Variants in KATNIP observed in about 807,000 individuals in gnomAD.
KATNIP encodes the protein katanin-interacting protein.
In KATNIP, 126 loss-of-function variants were observed where a neutral mutation model predicts 174.0. The ratio of observed to expected loss-of-function variants is 0.72; its 90% CI spans 0.63 to 0.84. The LOEUF is 0.84. KATNIP is among the 40% of genes least tolerant of loss of function. The pLI, the probability that KATNIP is intolerant of heterozygous loss-of-function variation, is 0.00. For synonymous variants in KATNIP, 810 were observed against 835.7 expected, an observed-to-expected ratio of 0.97 and a Z score of 0.53; for missense variants, 1,958 against 2,109.7, an observed-to-expected ratio of 0.93 and a Z score of 1.41.
chr16:27,754,126 T>C (rs766652548), intron 17 of KATNIP, 47 bp from the exon 18 acceptor site: 8 of 1,496,032 alleles, frequency 5.3e-6, no homozygotes, highest in Non-Finnish European at 7.5e-6. Context: ...TGTGTGGGTA[T>C]CACTAAAACC....
intron 1 of KATNIP, among the ~76,000 whole-genome samples, chr16:27,570,893 C>A (rs1426361422): frequency 6.6e-6 from 1 of 152,088 alleles, no homozygotes; most frequent in African/African-American, 2.4e-5. Flanking sequence ...GACACGGAGT[C>A]TATTTTAAGG....
intron 14 of KATNIP, among the ~76,000 whole-genome samples, chr16:27,735,141 C>G (rs911459394): frequency 2.6e-5 from 4 of 152,196 alleles, no homozygotes; most frequent in Admixed American, 2.6e-4. Flanking sequence ...AGGCAGGGTA[C>G]GACCCTCCCA....
chr16:27,701,487 G>T (rs1435123186), intron 10 of KATNIP, 102 bp from the exon 11 acceptor site: 3 of 794,564 alleles, frequency 3.8e-6, no homozygotes, highest in Non-Finnish European at 6.2e-6. Flanking sequence ...TCTACAAAGG[G>T]ACTGTCAGCC....
At chr16:27,737,010 T>C (rs1042416945) in intron 14 of KATNIP, among the ~76,000 whole-genome samples, 2 of 149,440 alleles carry the variant, frequency 1.3e-5, no homozygotes, top group Non-Finnish European at 3.0e-5. Flanking sequence ...GCAAGCTTTT[T>C]AGCAACCGCT....
At chr16:27,764,860 C>T (rs1372568054) in intron 19 of KATNIP, among the ~76,000 whole-genome samples, 2 of 152,188 alleles carry the variant, frequency 1.3e-5, no homozygotes, top group Non-Finnish European at 2.9e-5. Context: ...TGTGGAATTG[C>T]TGAATTTCCT....
At chr16:27,641,833 C>G (rs2076808727) in intron 5 of KATNIP, among the ~76,000 whole-genome samples, 2 of 152,326 alleles carry the variant, frequency 1.3e-5, no homozygotes, top group East Asian at 1.9e-4. Context: ...TAGCAGGGCC[C>G]TAGTCCAGGC....
intron 10 of KATNIP, 139 bp from the exon 11 acceptor site, chr16:27,701,450 G>A (rs2079094855): frequency 3.1e-6 from 2 of 642,114 alleles, no homozygotes; most frequent in Non-Finnish European, 5.6e-6. Flanking sequence ...GGCAGTTGCT[G>A]TCACCCTCAC....
Position 27,728,882 on chromosome 16 carries a change from G to T in KATNIP, c.1743+7187G>T, listed in dbSNP as rs530892103. Among the ~76,000 whole-genome samples, 75 of 152,350 alleles carry T rather than the reference G, an allele frequency of 4.9e-4. 1 individual carries two copies. The highest frequency in any genetic ancestry group is 1.8e-3 in the African/African-American group (73 of 41,584). ...CAGAGCAAGTGGGCGGGCTGCAGCT[G>T]GAAGTAGGCAGAGGCCTGGGCAGGG... On this transcript the variant is annotated intron_variant, in intron 14 of 27. Coordinates refer to ENST00000261588, the MANE Select transcript of KATNIP (RefSeq NM_015202.5).
At chr16:27,772,851 G>A (rs115138952) in intron 22 of KATNIP, among the ~76,000 whole-genome samples, 1,560 of 151,926 alleles carry the variant, frequency 0.01, 28 homozygotes, top group African/African-American at 0.036. Context: ...ACACGCACAC[G>A]TGCACACATG....
At chr16:27,592,217 T>C (rs2075192279) in intron 2 of KATNIP, among the ~76,000 whole-genome samples, 1 of 151,916 alleles carries the variant, frequency 6.6e-6, no homozygotes, top group Admixed American at 6.6e-5. Context: ...AACCATGTAT[T>C]CCATGTTATT....
In KATNIP at chr16:27,698,573, G is replaced by T. The variant is rs944780106; in HGVS notation, c.1113+73G>T. 5 of 1,436,304 alleles carry T rather than the reference G, an allele frequency of 3.5e-6. No individual in the cohort carries two copies. The African/African-American group carries it at 7.1e-5, about 20-fold the overall frequency. The allele number at this position is 1,436,304 out of a possible 1,614,324, so 89.0% of individuals were successfully genotyped here. ...GCAGTGTCTGAGCTGCAGTTGAGAAGAGCAAGTGTGCAGAAGAGAGAGGTG... is the reference window on the plus strand; with the variant it reads ...GCAGTGTCTGAGCTGCAGTTGAGAATAGCAAGTGTGCAGAAGAGAGAGGTG... On this transcript the variant is annotated intron_variant, in intron 9 of 27. Transcript: ENST00000261588.
At chr16:27,606,891 A>G (rs1307025939) in intron 2 of KATNIP, among the ~76,000 whole-genome samples, 2 of 152,104 alleles carry the variant, frequency 1.3e-5, no homozygotes, top group East Asian at 3.8e-4. Flanking sequence ...TCCATGGAAC[A>G]TTTAAGGTTG....
chr16:27,590,570 A>C (rs1408515332), intron 2 of KATNIP, among the ~76,000 whole-genome samples: 1 of 152,200 alleles, frequency 6.6e-6, no homozygotes, highest in African/African-American at 2.4e-5. Flanking sequence ...TCTTGTGAGC[A>C]CAGGGTCTCT....
intron 19 of KATNIP, 82 bp downstream of exon 19, chr16:27,761,672 C>A: frequency 7.9e-7 from 1 of 1,272,528 alleles, no homozygotes; most frequent in Non-Finnish European, 1.1e-6. Context: ...CAGATTCAGA[C>A]ATCAAATAGA....
chr16:27,690,093 G>A (rs138165108), intron 8 of KATNIP, among the ~76,000 whole-genome samples: 1 of 152,058 alleles, frequency 6.6e-6, no homozygotes, highest in African/African-American at 2.4e-5. Flanking sequence ...ACTTGAGCCT[G>A]GGAGTTCAAG....
intron 8 of KATNIP, among the ~76,000 whole-genome samples, chr16:27,688,665 G>A (rs56249777): frequency 0.033 from 5,057 of 152,314 alleles, 221 homozygotes; most frequent in African/African-American, 0.094. Flanking sequence ...CTGAGGTAGA[G>A]GTAAGTGTTT....
Position 27,699,541 on chromosome 16 carries a change from A to T in KATNIP, c.1121A>T (p.Glu374Val). 1 of 1,614,162 alleles carries T rather than the reference A, an allele frequency of 6.2e-7. No individual in the cohort carries two copies. The highest frequency in any genetic ancestry group is 8.5e-7 in the Non-Finnish European group (1 of 1,180,006). Residue 374 changes from glutamate (E) to valine (V), a missense_variant, in exon 10 of 28, where the codon GAA becomes GTA. This residue lies in a region of KATNIP where 1,557 missense variants were observed against 1,617.8 expected (regional missense o/e 0.96). Coordinates refer to ENST00000261588, the MANE Select transcript of KATNIP (RefSeq NM_015202.5). ...EQPASPLQDAEGPPAKPWTSL... is the reference protein window; with the variant it reads ...EQPASPLQDAVGPPAKPWTSL... ...GTGATCACATCCTTCCAGGATGCAGAAGGACCACCAGCAAAACCATGGACC... is the reference window on the plus strand; with the variant it reads ...GTGATCACATCCTTCCAGGATGCAGTAGGACCACCAGCAAAACCATGGACC...
intron 10 of KATNIP, among the ~76,000 whole-genome samples, 167 bp downstream of exon 10, chr16:27,699,766 G>A (rs2079035555): frequency 6.6e-6 from 1 of 152,226 alleles, no homozygotes; most frequent in Non-Finnish European, 1.5e-5. Context: ...TGTGCCCTGA[G>A]CACTGGTGTC....
At chr16:27,703,452 C>G (rs1032430651) in intron 11 of KATNIP, among the ~76,000 whole-genome samples, 1 of 152,188 alleles carries the variant, frequency 6.6e-6, no homozygotes, top group African/African-American at 2.4e-5. Flanking sequence ...CTATAAAGGG[C>G]CAGATAGTAA....
Sources: allele counts gnomAD v4.1 joint callset (sites outside exome capture counted in the v4.1 genomes callset), GRCh38; gene constraint gnomAD v4.1.1; regional missense constraint gnomAD v4.1.1; transcripts MANE v1.5; gene names NCBI Gene and HGNC (gene_info 2026-07-23, HGNC 2026-07-21).